The following PCDHA2 variants were observed in gnomAD, a reference collection of about 807,000 sequenced individuals.
The protein encoded by PCDHA2 is protocadherin alpha 2.
PCDHA2 carries 58 observed loss-of-function variants against 66.0 expected under a neutral mutation model. That is an observed-to-expected ratio of 0.88 (90% CI 0.71 to 1.09). PCDHA2 has a LOEUF of 1.09. Ranked by LOEUF, PCDHA2 falls within the 50% of genes least tolerant of loss-of-function variation. The pLI is 0.00. For missense variants in PCDHA2, 1,267 were observed against 1,242.3 expected, an observed-to-expected ratio of 1.02 and a Z score of -0.30; for synonymous variants, 634 against 554.0, an observed-to-expected ratio of 1.14 and a Z score of -2.03.
intron 3 of PCDHA2, among the ~76,000 whole-genome samples, chr5:140,997,668 T>TTG (rs35184029): frequency 0.084 from 12,442 of 148,286 alleles, 534 homozygotes; most frequent in Admixed American, 0.1. Flanking sequence ...ATTATACAGC[T>TTG]TGTGTGTGTG....
chr5:140,828,505 A>T (rs2150156185), intron 1 of PCDHA2: 1 of 1,614,210 alleles, frequency 6.2e-7, no homozygotes, highest in South Asian at 1.1e-5. Flanking sequence ...TAGAGGAACA[A>T]AGAGTGCTGA....
chr5:140,874,526 T>G (rs2054964457), intron 1 of PCDHA2, among the ~76,000 whole-genome samples: 1 of 152,242 alleles, frequency 6.6e-6, no homozygotes. Flanking sequence ...GTCAATGAGA[T>G]TAGGCTCCAA....
intron 1 of PCDHA2, among the ~76,000 whole-genome samples, chr5:140,921,271 A>C (rs1190111273): frequency 1.3e-5 from 2 of 152,142 alleles, no homozygotes; most frequent in East Asian, 1.9e-4. Flanking sequence ...TTTTATACTT[A>C]CTTGAAAAAA....
rs375771604 is a variant in PCDHA2, at chr5:140,876,994, G to A, written c.2388+79642G>A. ...GGGCGAGCACGCACTGTCGAGCTAC[G>A]TGTCGGTGCACGCGGAGAGCGGCAA... On this transcript the variant is annotated intron_variant, in intron 1 of 3. Transcript: ENST00000526136. The A allele has an allele frequency of 5.6e-6, 9 of 1,612,502 alleles. No individual in the cohort carries two copies. The highest frequency in any genetic ancestry group is 5.0e-5 in the Admixed American group (3 of 59,998).
rs2098423512 is a variant in PCDHA2 at position 141,012,298 on chromosome 5, T to A, written c.*2361T>A. On this transcript the variant is annotated 3_prime_UTR_variant, in exon 4 of 4. Transcript: ENST00000526136. ...ATGTGGATTCATTTTGAATTGGTGC[T>A]ATTGGTATTTCCTCTGTTATTGCTA... is the stretch of plus-strand genomic sequence containing the variant. The A allele has an allele frequency of 6.5e-6, 1 of 153,804 alleles. No individual in the cohort carries two copies. Among genetic ancestry groups the A allele is most frequent in the Non-Finnish European group, 1.5e-5 (1 of 68,048 alleles). 9.5% of individuals were successfully genotyped at this position (153,804 alleles called of 1,614,324 possible). A position where few individuals can be genotyped will look rare whatever the true frequency, so the allele number is the denominator to read the frequency against.
rs782557173 is a variant in PCDHA2, at chr5:140,795,599, T to C, written c.635T>C (p.Leu212Pro). The part of the protein sequence containing the change: ...REETAEVNLL[L>P]VATDGGKPEL... Reference sequence around the variant, plus strand: ...GAAACTGCTGAGGTTAATTTGTTACTGGTGGCTACTGATGGGGGCAAACCT... The same window carrying C: ...GAAACTGCTGAGGTTAATTTGTTACCGGTGGCTACTGATGGGGGCAAACCT... The change falls in exon 1 of 4, where the codon CTG becomes CCG. Residue 212 changes from leucine (L) to proline (P), a missense_variant. Physicochemically the swap from Leu to Pro is moderately conservative, Grantham distance 98. Transcript: ENST00000526136. The C allele has an allele frequency of 6.2e-7, 1 of 1,614,178 alleles. No individual in the cohort carries two copies. The highest frequency in any genetic ancestry group is 1.1e-5 in the South Asian group (1 of 91,084).
intron 1 of PCDHA2, chr5:140,850,503 G>A (rs2041643123): frequency 6.3e-7 from 1 of 1,598,176 alleles, no homozygotes; most frequent in South Asian, 1.1e-5. Flanking sequence ...GGTGTCGCTG[G>A]TGGAGAGCGG....
chr5:140,845,477 G>A (rs2150379213), intron 1 of PCDHA2, among the ~76,000 whole-genome samples: 4 of 149,604 alleles, frequency 2.7e-5, no homozygotes, highest in Non-Finnish European at 6.0e-5. Flanking sequence ...ATTTGGGGTT[G>A]TGCTTTCACA....
chr5:140,916,723 T>C (rs1264644464), intron 1 of PCDHA2, among the ~76,000 whole-genome samples: 1 of 152,186 alleles, frequency 6.6e-6, no homozygotes, highest in Non-Finnish European at 1.5e-5. Context: ...GGAGTGACTT[T>C]TGTTGCTGCA....
chr5:140,831,815 T>C (rs1475150566), intron 1 of PCDHA2, among the ~76,000 whole-genome samples: 1 of 152,196 alleles, frequency 6.6e-6, no homozygotes, highest in Admixed American at 6.6e-5. Flanking sequence ...AAAGTTGGAA[T>C]GATAAACACT....
At chr5:140,808,954 C>G (rs1554124911) in intron 1 of PCDHA2, 9 of 1,613,580 alleles carry the variant, frequency 5.6e-6, no homozygotes, top group African/African-American at 1.3e-5. Flanking sequence ...GTGTGGGCCA[C>G]GTGGTGGCAA....
At chr5:140,897,412 C>T (rs1304528785) in intron 1 of PCDHA2, among the ~76,000 whole-genome samples, 1 of 143,354 alleles carries the variant, frequency 7.0e-6, no homozygotes, top group Non-Finnish European at 1.5e-5. Context: ...TTGTTCAATT[C>T]CCATCTATGA....
chr5:140,962,796 A>T (rs1248367259), intron 1 of PCDHA2, among the ~76,000 whole-genome samples: 1 of 152,222 alleles, frequency 6.6e-6, no homozygotes, highest in Non-Finnish European at 1.5e-5. Flanking sequence ...ACTACTTTGG[A>T]CAACTCTAAA....
intron 1 of PCDHA2, among the ~76,000 whole-genome samples, chr5:140,855,428 G>A (rs1039152755): frequency 4.7e-5 from 7 of 149,940 alleles, no homozygotes; most frequent in African/African-American, 1.7e-4. Context: ...AAATTCTAGT[G>A]ATGACTAGAT....
intron 1 of PCDHA2, chr5:140,967,752 C>T: frequency 1.2e-6 from 2 of 1,614,194 alleles, no homozygotes; most frequent in Middle Eastern, 1.6e-4. Context: ...GAGGAAGCCT[C>T]CTCCTACCAG....
At chr5:140,842,773 G>C in intron 1 of PCDHA2, 1 of 1,594,638 alleles carries the variant, frequency 6.3e-7, no homozygotes. Flanking sequence ...ACGCGGACGC[G>C]CAGGAGAACG....
intron 1 of PCDHA2, chr5:140,835,489 T>A: frequency 1.2e-6 from 2 of 1,613,950 alleles, no homozygotes; most frequent in Non-Finnish European, 1.7e-6. Context: ...GGTACCGTCA[T>A]CACATTGATT....
chr5:140,997,614 A>T (rs1355709943), intron 3 of PCDHA2, among the ~76,000 whole-genome samples: 2 of 152,148 alleles, frequency 1.3e-5, no homozygotes, highest in African/African-American at 4.8e-5. Context: ...GCATGACTAT[A>T]TAGAGATTTT....
At chr5:140,987,314 G>A (rs1554249065) in intron 3 of PCDHA2, among the ~76,000 whole-genome samples, 1 of 152,126 alleles carries the variant, frequency 6.6e-6, no homozygotes, top group Non-Finnish European at 1.5e-5. Flanking sequence ...CCAATGTACT[G>A]TGAAGTTTTA....
Sources: allele counts gnomAD v4.1 joint callset (sites outside exome capture counted in the v4.1 genomes callset), GRCh38; gene constraint gnomAD v4.1.1; transcripts MANE v1.5; gene names NCBI Gene and HGNC (gene_info 2026-07-23, HGNC 2026-07-21).